The following RALYL variants were observed in gnomAD, a reference collection of about 807,000 sequenced individuals.
The protein encoded by RALYL is RALY RNA binding protein like.
Under a neutral mutation model 35.1 loss-of-function variants are expected in RALYL, and 29 were observed. That is an observed-to-expected ratio of 0.83 (90% CI 0.61 to 1.13). The LOEUF (loss-of-function observed/expected upper bound fraction) is 1.13, where lower values mean the gene tolerates loss of function less well. Among genes scored for constraint, RALYL ranks in the 50% most tolerant of loss-of-function variants. The pLI is 0.00. For missense variants in RALYL, 359 were observed against 360.4 expected, an observed-to-expected ratio of 1.00 and a Z score of 0.03; for synonymous variants, 120 against 127.6, an observed-to-expected ratio of 0.94 and a Z score of 0.40.
intron 2 of RALYL, chr8:84,705,862 C>T: frequency 7.2e-7 from 1 of 1,388,434 alleles, no homozygotes; most frequent in Non-Finnish European, 9.4e-7. Flanking sequence ...TAGCATCTCC[C>T]CTGTAATTTT....
intron 2 of RALYL, among the ~76,000 whole-genome samples, chr8:84,749,934 CTCA>C (rs1809551158): frequency 6.6e-6 from 1 of 152,136 alleles, no homozygotes; most frequent in Non-Finnish European, 1.5e-5. Context: ...TGAGAGGCAG[CTCA>C]TCCTGGCTTA....
intron 7 of RALYL, among the ~76,000 whole-genome samples, chr8:84,881,852 C>G (rs1842216747): frequency 6.6e-6 from 1 of 151,790 alleles, no homozygotes; most frequent in Non-Finnish European, 1.5e-5. Flanking sequence ...GAAGTATTCC[C>G]TTGGTATGTC....
At chr8:84,379,618 C>G (rs1857550176) in intron 1 of RALYL, among the ~76,000 whole-genome samples, 1 of 151,382 alleles carries the variant, frequency 6.6e-6, no homozygotes, top group Non-Finnish European at 1.5e-5. Context: ...TAGGGTGGAC[C>G]AAGTTTCTTG....
chr8:84,728,159 T>C (rs915524965), intron 2 of RALYL, among the ~76,000 whole-genome samples: 7 of 151,620 alleles, frequency 4.6e-5, no homozygotes, highest in African/African-American at 1.7e-4. Flanking sequence ...TTTTAATGAT[T>C]GCCATTCTAA....
intron 1 of RALYL, among the ~76,000 whole-genome samples, chr8:84,457,725 G>A (rs573922066): frequency 3.6e-4 from 55 of 151,774 alleles, no homozygotes; most frequent in African/African-American, 1.3e-3. Context: ...TTATTTGCAC[G>A]TCTTTCTCCT....
At chr8:84,796,501 G>A (rs1381418838) in intron 3 of RALYL, among the ~76,000 whole-genome samples, 6 of 152,112 alleles carry the variant, frequency 3.9e-5, no homozygotes, top group Non-Finnish European at 8.8e-5. Flanking sequence ...AATACTGATA[G>A]GATTATGTTA....
chr8:84,546,194 C>T (rs1309370465), intron 2 of RALYL, among the ~76,000 whole-genome samples: 3 of 152,158 alleles, frequency 2.0e-5, no homozygotes, highest in South Asian at 2.1e-4. Context: ...GGCGCAATCT[C>T]GGCTTACTGC....
At chr8:84,331,619 AT>A (rs1437078292) in intron 1 of RALYL, among the ~76,000 whole-genome samples, 1 of 152,092 alleles carries the variant, frequency 6.6e-6, no homozygotes, top group African/African-American at 2.4e-5. Flanking sequence ...AGCATTCTGA[AT>A]TTAAAAACAA....
intron 1 of RALYL, among the ~76,000 whole-genome samples, chr8:84,206,759 T>G (rs1818156527): frequency 6.6e-6 from 1 of 152,166 alleles, no homozygotes; most frequent in African/African-American, 2.4e-5. Context: ...TCATGAGGCA[T>G]GCTGAACATG....
At chr8:84,491,229 T>A (rs548861663) in intron 1 of RALYL, among the ~76,000 whole-genome samples, 1 of 152,160 alleles carries the variant, frequency 6.6e-6, no homozygotes, top group South Asian at 2.1e-4. Flanking sequence ...CCCCTACACA[T>A]ACAGCTTAGG....
intron 1 of RALYL, among the ~76,000 whole-genome samples, chr8:84,362,475 G>A (rs1479953283): frequency 6.6e-6 from 1 of 152,104 alleles, no homozygotes; most frequent in African/African-American, 2.4e-5. Flanking sequence ...GTTAGGAACT[G>A]GGTGGCACAG....
intron 3 of RALYL, among the ~76,000 whole-genome samples, chr8:84,780,248 C>A (rs1209484684): frequency 6.6e-6 from 1 of 152,180 alleles, no homozygotes; most frequent in Non-Finnish European, 1.5e-5. Context: ...TCCTGTCCTT[C>A]TGAAACTGAC....
chr8:84,574,870 C>A (rs965136214), intron 2 of RALYL, among the ~76,000 whole-genome samples: 6 of 152,078 alleles, frequency 3.9e-5, no homozygotes, highest in Non-Finnish European at 8.8e-5. Context: ...TGACATCAGA[C>A]TAAAACTTAT....
intron 2 of RALYL, among the ~76,000 whole-genome samples, chr8:84,547,438 G>A (rs2060437562): frequency 6.6e-6 from 1 of 151,568 alleles, no homozygotes; most frequent in African/African-American, 2.4e-5. Context: ...GTGCAGTGAT[G>A]CGATCTCAGC....
At chr8:84,235,418 T>G (rs372107080) in intron 1 of RALYL, among the ~76,000 whole-genome samples, 1 of 152,220 alleles carries the variant, frequency 6.6e-6, no homozygotes, top group African/African-American at 2.4e-5. Flanking sequence ...ACCAATTATA[T>G]TTCAGATTGC....
chr8:84,384,748 C>T (rs1858811761), intron 1 of RALYL, among the ~76,000 whole-genome samples: 3 of 151,724 alleles, frequency 2.0e-5, no homozygotes, highest in Admixed American at 6.6e-5. Context: ...GGATTGACAC[C>T]AGTCCGTCCT....
At chr8:84,291,185 G>A (rs1340711315) in intron 1 of RALYL, among the ~76,000 whole-genome samples, 1 of 152,194 alleles carries the variant, frequency 6.6e-6, no homozygotes, top group Non-Finnish European at 1.5e-5. Context: ...AGAGGACGGT[G>A]AGACTAAAGT....
chr8:84,330,150 T>C (rs2130677101), intron 1 of RALYL, among the ~76,000 whole-genome samples: 1 of 152,160 alleles, frequency 6.6e-6, no homozygotes, highest in Non-Finnish European at 1.5e-5. Flanking sequence ...TTCTCTGGAA[T>C]AAAAGAAATA....
intron 2 of RALYL, among the ~76,000 whole-genome samples, chr8:84,689,372 T>C (rs1837534841): frequency 6.6e-6 from 1 of 152,190 alleles, no homozygotes; most frequent in Admixed American, 6.6e-5. Context: ...AATGATGATT[T>C]CCAATTTCAT....
Sources: gnomAD v4.1 joint callset for allele counts (sites outside exome capture counted in the v4.1 genomes callset) on GRCh38, gnomAD v4.1.1 for gene constraint, MANE v1.5 for transcripts, NCBI Gene and HGNC (gene_info 2026-07-23, HGNC 2026-07-21) for gene names.